Variants in LGMN observed in about 807,000 individuals in gnomAD.
LGMN encodes the protein legumain.
In LGMN, 36 loss-of-function variants were observed where a neutral mutation model predicts 56.8. That is an observed-to-expected ratio of 0.63 (90% CI 0.49 to 0.84). The LOEUF is 0.84. LGMN is among the 40% of genes least tolerant of loss of function. The pLI, the probability that LGMN is intolerant of heterozygous loss-of-function variation, is 0.00. For synonymous variants in LGMN, 199 were observed against 210.1 expected (o/e 0.95, Z 0.46); for missense variants, 446 against 556.1 (o/e 0.80, Z 1.99).
chr14:92,726,909 C>T (rs1027846378), intron 2 of LGMN, among the ~76,000 whole-genome samples: 4 of 152,280 alleles, frequency 2.6e-5, no homozygotes, highest in East Asian at 1.9e-4. Flanking sequence ...AACATGAGCA[C>T]GTGATGCAAT....
chr14:92,731,694 C>T (rs1425636802), intron 2 of LGMN, among the ~76,000 whole-genome samples: 1 of 152,182 alleles, frequency 6.6e-6, no homozygotes, highest in African/African-American at 2.4e-5. Flanking sequence ...CTCCATTCAA[C>T]CTTTGATGGA....
chr14:92,713,685 A>G (rs147910498), intron 7 of LGMN, 138 bp downstream of exon 7: 7 of 705,394 alleles, frequency 9.9e-6, no homozygotes, highest in African/African-American at 5.4e-5. Context: ...CATCCTGGGA[A>G]ACCAGGGATT....
chr14:92,734,623 G>C (rs1178733344), intron 1 of LGMN, among the ~76,000 whole-genome samples: 1 of 149,986 alleles, frequency 6.7e-6, no homozygotes, highest in Non-Finnish European at 1.5e-5. Context: ...CTGGGCAACA[G>C]AGCAAGACTC....
At position 92,704,780 on chromosome 14, in the gene LGMN, A is replaced by T. The variant is rs1889342943; in HGVS notation, c.1192-73T>A. On this transcript the variant is annotated intron_variant, in intron 12 of 13. Coordinates refer to ENST00000334869, the MANE Select transcript of LGMN (RefSeq NM_005606.7). ...CAATCCACTCCACTTTTGCAATTGC[A>T]GAGGGGAAGCATCTTGACCAGTGGC... The T allele has an allele frequency of 2.5e-5, 30 of 1,204,694 alleles. 1 individual carries two copies. The South Asian group carries it at 3.6e-4, about 15-fold the overall frequency. The allele number at this position is 1,204,694 out of a possible 1,614,324, so 74.6% of individuals were successfully genotyped here. A position where few individuals can be genotyped will look rare whatever the true frequency, so the allele number is the denominator to read the frequency against.
chr14:92,710,516 G>A (rs998738338), intron 10 of LGMN, among the ~76,000 whole-genome samples: 4 of 152,154 alleles, frequency 2.6e-5, no homozygotes, highest in Admixed American at 2.0e-4. Context: ...TGGCTGTAGC[G>A]GTCACTACAG....
chr14:92,727,174 T>C (rs887959050), intron 2 of LGMN, among the ~76,000 whole-genome samples: 1 of 101,444 alleles, frequency 9.9e-6, no homozygotes, highest in African/African-American at 6.0e-5. Flanking sequence ...CTCACGCCTG[T>C]AATCGCAGCA....
At chr14:92,719,101 C>T (rs968132638) in intron 2 of LGMN, among the ~76,000 whole-genome samples, 3 of 151,636 alleles carry the variant, frequency 2.0e-5, no homozygotes, top group African/African-American at 7.3e-5. Context: ...TGTGAGCACA[C>T]GTGCACATAC....
At position 92,714,285 on chromosome 14, in the gene LGMN, A is replaced by C; in HGVS notation, c.480+91T>G. On this transcript the variant is annotated intron_variant, in intron 6 of 13. Transcript: ENST00000334869. This position sits in a 1 kb window ranked among gnomAD's most constrained non-coding sequence, Gnocchi z 5.1. ...ACGTACAAACCAACCCTGGCAGGACACTAGAAAATACACGCTATGGGTTTA... is the reference window on the plus strand; with the variant it reads ...ACGTACAAACCAACCCTGGCAGGACCCTAGAAAATACACGCTATGGGTTTA... 1.1e-6 allele frequency: 1 copy of C among 876,134 alleles called. No individual in the cohort carries two copies. Among genetic ancestry groups the C allele is most frequent in the Non-Finnish European group, 1.9e-6 (1 of 536,218 alleles). 54.3% of individuals were successfully genotyped at this position (876,134 alleles called of 1,614,324 possible). A position where few individuals can be genotyped will look rare whatever the true frequency, so the allele number is the denominator to read the frequency against.
intron 1 of LGMN, chr14:92,733,960 C>G (rs1272169048): frequency 6.6e-6 from 1 of 152,176 alleles, no homozygotes; most frequent in Non-Finnish European, 1.5e-5. Context: ...TTTTCTTCCT[C>G]ATTTTTGTCT....
intron 10 of LGMN, among the ~76,000 whole-genome samples, chr14:92,710,743 C>T (rs148209562): frequency 0.013 from 1,954 of 152,282 alleles, 29 homozygotes; most frequent in Non-Finnish European, 0.021. Context: ...AGGCGGGGCC[C>T]CCACATGGCC....
chr14:92,715,918 C>A, intron 5 of LGMN: 1 of 364,894 alleles, frequency 2.7e-6, no homozygotes, highest in Non-Finnish European at 5.0e-6. Flanking sequence ...TAATGAGGGG[C>A]CCTGGATCAT....
At chr14:92,730,537 C>T (rs1193635950) in intron 2 of LGMN, among the ~76,000 whole-genome samples, 1 of 152,154 alleles carries the variant, frequency 6.6e-6, no homozygotes, top group Non-Finnish European at 1.5e-5. Flanking sequence ...AGCAATCCTC[C>T]CACTTCAGCC....
At chr14:92,717,525 C>T (rs940352011) in intron 3 of LGMN, 64 bp from the exon 4 acceptor site, 1 of 1,215,000 alleles carries the variant, frequency 8.2e-7, no homozygotes, top group Admixed American at 1.7e-5. Context: ...TCTCTTCAAA[C>T]ACATGTATGT....
chr14:92,744,617 C>T (rs1395600487), intron 1 of LGMN, among the ~76,000 whole-genome samples: 15 of 126,716 alleles, frequency 1.2e-4, no homozygotes, highest in Non-Finnish European at 1.9e-4. Flanking sequence ...TTTTTTGAGA[C>T]GGAGTTTCGC....
chr14:92,719,257 A>ACCGCCGCCGCCGCCGCCGCCG (rs1311954717), intron 2 of LGMN, among the ~76,000 whole-genome samples: 1 of 10,914 alleles, frequency 9.2e-5, no homozygotes, highest in Non-Finnish European at 1.9e-4. Context: ...CACCACCACC[A>ACCGCCGCCGCCGCCGCCGCCG]CCGCCACCGC....
At chr14:92,711,001 G>A (rs1415516973) in intron 10 of LGMN, among the ~76,000 whole-genome samples, 1 of 152,198 alleles carries the variant, frequency 6.6e-6, no homozygotes, top group East Asian at 1.9e-4. Context: ...CTCTCCGCTG[G>A]GGGTGGGCTT....
intron 2 of LGMN, among the ~76,000 whole-genome samples, chr14:92,719,134 GCCACCGCCACCA>G (rs1244213727): frequency 4.3e-5 from 6 of 139,870 alleles, no homozygotes; most frequent in Admixed American, 3.5e-4. Flanking sequence ...CACAACCACC[GCCACCGCCACCA>G]CCACCGCCAC....
chr14:92,748,168 T>A (rs1252031657), intron 1 of LGMN, among the ~76,000 whole-genome samples: 1 of 152,086 alleles, frequency 6.6e-6, no homozygotes, highest in African/African-American at 2.4e-5. Flanking sequence ...GGCCCTTGGC[T>A]GCGGGATCTC....
In LGMN at chr14:92,732,684, C is replaced by T. The variant is rs1891111374; in HGVS notation, c.103G>A (p.Ala35Thr). The change falls in exon 2 of 14, where the codon GCA becomes ACA. Residue 35 changes from alanine (A) to threonine (T), a missense_variant. Physicochemically the swap from Ala to Thr is moderately conservative, Grantham distance 58. Coordinates refer to ENST00000334869, the MANE Select transcript of LGMN (RefSeq NM_005606.7). ...TAATTATACCAGCCATTTGAACCTGCCACGATCACCACCCAGTGCTTGCCT... is the reference window on the plus strand; with the variant it reads ...TAATTATACCAGCCATTTGAACCTGTCACGATCACCACCCAGTGCTTGCCT... ...DGGKHWVVIV[A>T]GSNGWYNYRH... is the part of the protein sequence containing the mutation. The T allele has an allele frequency of 6.2e-7, 1 of 1,614,036 alleles. No homozygotes were observed. The highest frequency in any genetic ancestry group is 1.1e-5 in the South Asian group (1 of 91,082).
Sources: allele counts gnomAD v4.1 joint callset (sites outside exome capture counted in the v4.1 genomes callset), GRCh38; gene constraint gnomAD v4.1.1; non-coding constraint Gnocchi (gnomAD v3.1); transcripts MANE v1.5; gene names NCBI Gene and HGNC (gene_info 2026-07-23, HGNC 2026-07-21).